The following INPP5A variants were observed in gnomAD, a reference collection of about 807,000 sequenced individuals.
INPP5A encodes the protein inositol polyphosphate-5-phosphatase A.
A neutral mutation model predicts 65.2 loss-of-function variants in INPP5A; 14 were observed. That is an observed-to-expected ratio of 0.21 (90% CI 0.14 to 0.34). INPP5A has a LOEUF of 0.34. Ranked by LOEUF, INPP5A falls within the 10% of genes least tolerant of loss-of-function variation. The pLI is 1.00. For synonymous variants in INPP5A, 207 were observed against 208.3 expected (o/e 0.99, Z 0.05); for missense variants, 431 against 545.6 (o/e 0.79, Z 2.09).
chr10:132,586,006 G>T (rs2071540864), intron 1 of INPP5A, among the ~76,000 whole-genome samples: 1 of 152,196 alleles, frequency 6.6e-6, no homozygotes, highest in Non-Finnish European at 1.5e-5. Context: ...GGCCTCCCTG[G>T]ACCTCGCCGC....
At chr10:132,765,971 G>T in intron 12 of INPP5A, 125 bp downstream of exon 12, 1 of 691,420 alleles carries the variant, frequency 1.4e-6, no homozygotes, top group Non-Finnish European at 2.7e-6. Context: ...TGTGCATTCT[G>T]TGTGCATCCA....
intron 1 of INPP5A, among the ~76,000 whole-genome samples, chr10:132,557,477 T>C (rs1306886414): frequency 6.6e-6 from 1 of 152,262 alleles, no homozygotes; most frequent in East Asian, 1.9e-4. Flanking sequence ...GAGACCTGCG[T>C]AGAAATCAGA....
rs1185724805 is a variant in INPP5A, at chr10:132,674,602, G to A, written c.307-15790G>A. ...TGGAGACCATGGGCATTTGAGCCAC[G>A]TCGTCATGTAACTTACTTGTGCCTT... On this transcript the variant is annotated intron_variant, in intron 4 of 15. Transcript: ENST00000368594. The surrounding 1 kb of genome is among the most constrained non-coding windows in gnomAD (Gnocchi z 4.4). Among the ~76,000 whole-genome samples the A allele has an allele frequency of 2.6e-5, 4 of 152,130 alleles. No individual in the cohort carries two copies. The highest frequency in any genetic ancestry group is 6.5e-5 in the Admixed American group (1 of 15,270).
rs1255247433 is a variant in INPP5A, at chr10:132,718,542, G to A, written c.647+8086G>A. On this transcript the variant is annotated intron_variant, in intron 8 of 15. Transcript: ENST00000368594. ...TTCTGTGGTACCTGGGTTCTGTCTG[G>A]GCACCTTAGACGACTGTCTTCAGGG... 2.7e-5 allele frequency among the ~76,000 whole-genome samples: 4 copies of A among 149,246 alleles called. No homozygotes were observed. The South Asian group carries it at 8.6e-4, about 32-fold the overall frequency.
chr10:132,629,100 C>T (rs1433736237), intron 2 of INPP5A, among the ~76,000 whole-genome samples: 2 of 152,206 alleles, frequency 1.3e-5, no homozygotes, highest in Non-Finnish European at 2.9e-5. Flanking sequence ...GAAGCAGCAC[C>T]TGGCATTCCC....
At chr10:132,552,611 G>A (rs1188913648) in intron 1 of INPP5A, among the ~76,000 whole-genome samples, 1 of 141,378 alleles carries the variant, frequency 7.1e-6, no homozygotes, top group African/African-American at 2.7e-5. Context: ...GTGGCATATT[G>A]AGTGGGATAG....
chr10:132,721,977 C>T (rs1263393174), intron 8 of INPP5A, among the ~76,000 whole-genome samples: 1 of 152,104 alleles, frequency 6.6e-6, no homozygotes, highest in Non-Finnish European at 1.5e-5. Flanking sequence ...AATAAACAGG[C>T]TGGTATGTTT....
Position 132,659,115 on chromosome 10 carries a change from G to T in INPP5A, c.306+8610G>T, listed in dbSNP as rs2072701139. On this transcript the variant is annotated intron_variant, in intron 4 of 15. Transcript: ENST00000368594. This position sits in a 1 kb window ranked among gnomAD's most constrained non-coding sequence, Gnocchi z 5.5. ...CCTAGGTGGGTCCCCAGCTCTGCAG[G>T]TGCCACTCCCCACGCCAGTGTTCTC... 6.6e-6 allele frequency among the ~76,000 whole-genome samples: 1 copy of T among 152,144 alleles called. No individual in the cohort carries two copies. Among genetic ancestry groups the T allele is most frequent in the Non-Finnish European group, 1.5e-5 (1 of 68,018 alleles).
intron 2 of INPP5A, among the ~76,000 whole-genome samples, chr10:132,612,610 G>A (rs905823679): frequency 6.6e-6 from 1 of 152,158 alleles, no homozygotes; most frequent in Admixed American, 6.5e-5. Flanking sequence ...CTGAGGCCCG[G>A]TTCCCCTGCT....
At chr10:132,634,050 A>G (rs1471355703) in intron 2 of INPP5A, among the ~76,000 whole-genome samples, 1 of 152,260 alleles carries the variant, frequency 6.6e-6, no homozygotes. Context: ...GACCCTACAC[A>G]GTAGCTTTAT....
intron 8 of INPP5A, among the ~76,000 whole-genome samples, chr10:132,712,821 G>T (rs1029670667): frequency 6.7e-6 from 1 of 149,470 alleles, no homozygotes; most frequent in African/African-American, 2.5e-5. Flanking sequence ...TGTGTGTGGG[G>T]CCTCGTGTGG....
intron 12 of INPP5A, among the ~76,000 whole-genome samples, chr10:132,776,900 T>C (rs1847074048): frequency 6.6e-6 from 1 of 151,902 alleles, no homozygotes; most frequent in Non-Finnish European, 1.5e-5. Context: ...CTCTGCTGTG[T>C]GAGGGCGGGG....
In INPP5A at chr10:132,603,639, A is replaced by G. The variant is rs2071803543; in HGVS notation, c.76-4276A>G. Among the ~76,000 whole-genome samples, 1 of 151,620 alleles carries G rather than the reference A, an allele frequency of 6.6e-6. No individual in the cohort carries two copies. The highest frequency in any genetic ancestry group is 2.4e-5 in the African/African-American group (1 of 40,896). ...TGAAGAATGTAGCGTTTAAGAATAC[A>G]TTTTAATTTTAGAGCACGTTTATGA... is the stretch of plus-strand genomic sequence containing the variant. On this transcript the variant is annotated intron_variant, in intron 1 of 15. Transcript: ENST00000368594. This position sits in a 1 kb window ranked among gnomAD's most constrained non-coding sequence, Gnocchi z 4.2.
intron 9 of INPP5A, among the ~76,000 whole-genome samples, chr10:132,732,935 C>T (rs1846111889): frequency 6.6e-6 from 1 of 152,142 alleles, no homozygotes; most frequent in South Asian, 2.1e-4. Context: ...GCTCAGAGGA[C>T]CACAGGCTGG....
intron 1 of INPP5A, among the ~76,000 whole-genome samples, chr10:132,601,483 C>T (rs911911896): frequency 1.3e-5 from 2 of 152,200 alleles, no homozygotes; most frequent in Non-Finnish European, 2.9e-5. Flanking sequence ...GCTTTTGATG[C>T]ACAAAAGTTG....
intron 2 of INPP5A, among the ~76,000 whole-genome samples, chr10:132,638,066 GGAGTT>G (rs1456718083): frequency 6.6e-6 from 1 of 152,128 alleles, no homozygotes; most frequent in Non-Finnish European, 1.5e-5. Context: ...TTGGGGTCTG[GGAGTT>G]GTTCGTTCTC....
chr10:132,684,023 G>A (rs1246743354), intron 4 of INPP5A, among the ~76,000 whole-genome samples: 1 of 152,198 alleles, frequency 6.6e-6, no homozygotes, highest in Non-Finnish European at 1.5e-5. Flanking sequence ...CCAAATTACA[G>A]TATTTTTATA....
At chr10:132,758,325 ACCCATAGCCCGGC>A (rs1846667899) in intron 11 of INPP5A, among the ~76,000 whole-genome samples, 1 of 67,322 alleles carries the variant, frequency 1.5e-5, no homozygotes, top group Non-Finnish European at 3.4e-5. Flanking sequence ...CTGACCCCAC[ACCCATAGCCCGGC>A]ACCATGGCGT....
At chr10:132,597,016 C>T (rs1029118340) in intron 1 of INPP5A, among the ~76,000 whole-genome samples, 11 of 141,458 alleles carry the variant, frequency 7.8e-5, no homozygotes, top group Non-Finnish European at 1.7e-4. Context: ...CGCTCCTGTA[C>T]GTGTGTGCAT....
Sources: gnomAD v4.1 joint callset for allele counts (sites outside exome capture counted in the v4.1 genomes callset) on GRCh38, gnomAD v4.1.1 for gene constraint, Gnocchi (gnomAD v3.1) non-coding constraint, MANE v1.5 for transcripts, NCBI Gene and HGNC (gene_info 2026-07-23, HGNC 2026-07-21) for gene names.